The following SOS1 variants were observed in gnomAD, a reference collection of about 807,000 sequenced individuals.
The protein encoded by SOS1 is SOS Ras/Rac guanine nucleotide exchange factor 1, also known as son of sevenless homolog 1.
SOS1 carries 25 observed loss-of-function variants against 157.6 expected under a neutral mutation model. The ratio of observed to expected loss-of-function variants is 0.16; its 90% CI spans 0.12 to 0.22. SOS1 has a LOEUF of 0.22. SOS1 is among the 10% of genes least tolerant of loss of function. The probability of loss-of-function intolerance (pLI) is 1.00; values close to 1 mark genes in which losing one functional copy is unlikely to be tolerated. For synonymous variants in SOS1, 528 were observed against 534.0 expected (o/e 0.99, Z 0.16); for missense variants, 1,237 against 1,599.1 (o/e 0.77, Z 3.86).
rs535815428 is a variant in SOS1, at chr2:39,080,213, T to C, written c.88-12460A>G. ...GGGAATGGGAGACAGTGACAGATCA[T>C]CAGGCATTAGATTCTCATAAGGAGT... On this transcript the variant is annotated intron_variant, in intron 1 of 22. Coordinates refer to ENST00000402219, the MANE Select transcript of SOS1 (RefSeq NM_005633.4). Among the ~76,000 whole-genome samples, 98 of 152,040 alleles carry C rather than the reference T, an allele frequency of 6.4e-4. 1 individual carries two copies. Among genetic ancestry groups the C allele is most frequent in the African/African-American group, 2.2e-3 (91 of 41,458 alleles).
intron 10 of SOS1, among the ~76,000 whole-genome samples, chr2:39,017,498 C>A (rs1002966348): frequency 6.6e-6 from 1 of 151,976 alleles, no homozygotes; most frequent in African/African-American, 2.4e-5. Context: ...AGGGTTTCTG[C>A]AGCTGGCAGT....
chr2:39,100,631 G>C (rs887937302), intron 1 of SOS1, among the ~76,000 whole-genome samples: 1 of 152,132 alleles, frequency 6.6e-6, no homozygotes, highest in Admixed American at 6.5e-5. Context: ...AAACAAAAGA[G>C]CAGGCCAGGC....
rs1457059372 is a variant in SOS1, at chr2:39,120,734, C to G, written c.-312G>C. Among the ~76,000 whole-genome samples the G allele has an allele frequency of 2.7e-5, 4 of 147,336 alleles. No individual in the cohort carries two copies. The highest frequency in any genetic ancestry group is 6.0e-5 in the Non-Finnish European group (4 of 66,190). ...CCCGCCGGCGCCGCCCCGGGCTGCC[C>G]TCTGCCGCGGCCGCCGCCCGCCCGC... On this transcript the variant is annotated 5_prime_UTR_variant, in exon 1 of 23. Transcript: ENST00000402219.
At chr2:39,026,724 C>T (rs184353292) in intron 8 of SOS1, among the ~76,000 whole-genome samples, 60 of 152,324 alleles carry the variant, frequency 3.9e-4, no homozygotes, top group African/African-American at 1.4e-3. Flanking sequence ...CAAGTTTAGT[C>T]TTTAAAGCAG....
intron 3 of SOS1, among the ~76,000 whole-genome samples, chr2:39,057,414 T>C (rs1374251936): frequency 6.6e-6 from 1 of 152,218 alleles, no homozygotes; most frequent in East Asian, 1.9e-4. Flanking sequence ...GTTAAGAAAA[T>C]GTTAAATAGC....
At position 39,040,210 on chromosome 2, in the gene SOS1, C is replaced by G. The variant is rs533756643; in HGVS notation, c.865-4710G>C. Reference sequence around the variant, plus strand: ...TTTTTGTATTTTTTAGTAGAGATGGCGTTTCACCGTGTTAGCCAGGATGGT... The same window carrying G: ...TTTTTGTATTTTTTAGTAGAGATGGGGTTTCACCGTGTTAGCCAGGATGGT... On this transcript the variant is annotated intron_variant, in intron 6 of 22. Transcript: ENST00000402219. Among the ~76,000 whole-genome samples, 1,244 of 151,526 alleles carry G rather than the reference C, an allele frequency of 8.2e-3. 9 individuals are homozygous for G. The highest frequency in any genetic ancestry group is 0.024 in the African/African-American group (990 of 41,284).
At chr2:38,993,369 C>G (rs10166631) in intron 20 of SOS1, 119,412 of 152,026 alleles carry the variant, frequency 0.79, 50,078 homozygotes, top group Non-Finnish European at 0.92. Context: ...CTGTGTTGCC[C>G]AGGCTGGTCT....
In SOS1 at chr2:39,001,529, C is replaced by T. The variant is rs140520092; in HGVS notation, c.2792-4104G>A. Among the ~76,000 whole-genome samples, 69 of 152,286 alleles carry T rather than the reference C, an allele frequency of 4.5e-4. 3 individuals carry two copies. In the East Asian group the frequency reaches 0.013, roughly 29 times the overall value. On this transcript the variant is annotated intron_variant, in intron 17 of 22. Coordinates refer to ENST00000402219, the MANE Select transcript of SOS1 (RefSeq NM_005633.4). ...GTGGTTGTGCCAGCAAAAGATGGGA[C>T]TAACGCTGGTAAAATAATAGAGGAA...
intron 6 of SOS1, among the ~76,000 whole-genome samples, chr2:39,050,135 A>G (rs995090672): frequency 6.6e-6 from 1 of 152,084 alleles, no homozygotes; most frequent in African/African-American, 2.4e-5. Context: ...TTACCATTCT[A>G]TTTTGCCTGA....
At chr2:39,102,479 C>T (rs1378144382) in intron 1 of SOS1, among the ~76,000 whole-genome samples, 1 of 118,176 alleles carries the variant, frequency 8.5e-6, no homozygotes, top group African/African-American at 3.3e-5. Flanking sequence ...TGTAGAGAGC[C>T]GTGATCATAC....
intron 6 of SOS1, among the ~76,000 whole-genome samples, chr2:39,050,424 T>C (rs376711979): frequency 1.3e-5 from 2 of 152,222 alleles, no homozygotes; most frequent in East Asian, 3.8e-4. Flanking sequence ...TGAGTAAGCT[T>C]ACTATGTGAA....
chr2:39,116,175 T>G (rs560633884), intron 1 of SOS1, among the ~76,000 whole-genome samples: 1 of 4,962 alleles, frequency 2.0e-4, no homozygotes, highest in Admixed American at 3.8e-3. Context: ...AGAAGTTCAC[T>G]TGAATAACCC....
At chr2:39,003,296 TAATGA>T (rs777882975) in intron 17 of SOS1, among the ~76,000 whole-genome samples, 11 of 152,256 alleles carry the variant, frequency 7.2e-5, no homozygotes, top group Admixed American at 4.6e-4. Context: ...ATTTTTAAAA[TAATGA>T]AATGAAGCAA....
intron 1 of SOS1, among the ~76,000 whole-genome samples, chr2:39,070,413 C>G (rs971888152): frequency 6.6e-6 from 1 of 152,156 alleles, no homozygotes; most frequent in African/African-American, 2.4e-5. Flanking sequence ...TATTCCTTTT[C>G]CATGTCCTTG....
chr2:39,118,874 T>A (rs1673759222), intron 1 of SOS1, among the ~76,000 whole-genome samples: 1 of 152,240 alleles, frequency 6.6e-6, no homozygotes, highest in Non-Finnish European at 1.5e-5. Flanking sequence ...ACAACGTCTG[T>A]CAACTCCTAC....
chr2:39,080,376 C>A (rs1672160657), intron 1 of SOS1, among the ~76,000 whole-genome samples: 3 of 152,124 alleles, frequency 2.0e-5, no homozygotes, highest in Admixed American at 2.0e-4. Context: ...TGAAGCTTTG[C>A]TCACTCACCC....
chr2:39,046,584 A>G (rs1346973603), intron 6 of SOS1, among the ~76,000 whole-genome samples: 1 of 147,232 alleles, frequency 6.8e-6, no homozygotes, highest in African/African-American at 2.6e-5. Context: ...GGCTCACTGC[A>G]AGCTCCGCCT....
chr2:39,092,604 G>C (rs1453151070), intron 1 of SOS1, among the ~76,000 whole-genome samples: 1 of 152,156 alleles, frequency 6.6e-6, no homozygotes, highest in African/African-American at 2.4e-5. Flanking sequence ...GAATGTAAGA[G>C]ACTTTGTCTC....
intron 22 of SOS1, among the ~76,000 whole-genome samples, chr2:38,986,522 G>C (rs1266126014): frequency 1.3e-5 from 2 of 151,682 alleles, no homozygotes; most frequent in Non-Finnish European, 2.9e-5. Flanking sequence ...CTGGAGTGCA[G>C]TGGTGCAATC....
Sources: gnomAD v4.1 joint callset for allele counts (sites outside exome capture counted in the v4.1 genomes callset) on GRCh38, gnomAD v4.1.1 for gene constraint, MANE v1.5 for transcripts, NCBI Gene and HGNC (gene_info 2026-07-23, HGNC 2026-07-21) for gene names.